The following GRHL3 variants were observed in gnomAD, a reference collection of about 807,000 sequenced individuals.
GRHL3 encodes the protein grainyhead like transcription factor 3.
Under a neutral mutation model 70.3 loss-of-function variants are expected in GRHL3, and 20 were observed. The observed-to-expected ratio is 0.28, with a 90% CI of 0.20 to 0.41. The LOEUF (loss-of-function observed/expected upper bound fraction) is 0.41. Ranked by LOEUF, GRHL3 falls within the 10% of genes least tolerant of loss-of-function variation. The pLI is 1.00. For missense variants in GRHL3, 637 were observed against 762.3 expected, an observed-to-expected ratio of 0.84 and a Z score of 1.94; for synonymous variants, 299 against 299.9, an observed-to-expected ratio of 1.00 and a Z score of 0.03.
intron 11 of GRHL3, chr1:24,343,289 A>C: frequency 2.3e-6 from 1 of 436,286 alleles, no homozygotes. Context: ...GAGGCTTCTG[A>C]TATCTGACCC....
At chr1:24,344,108 G>A (rs1331825081) in intron 11 of GRHL3, among the ~76,000 whole-genome samples, 2 of 152,192 alleles carry the variant, frequency 1.3e-5, no homozygotes, top group Non-Finnish European at 2.9e-5. Flanking sequence ...CAGTCAACCT[G>A]TGGGGGTTGA....
chr1:24,361,951 G>A (rs554860557), intron 15 of GRHL3, among the ~76,000 whole-genome samples: 6 of 152,234 alleles, frequency 3.9e-5, no homozygotes, highest in African/African-American at 9.6e-5. Flanking sequence ...AGACTTCTGC[G>A]CTTGTTACAG....
In GRHL3 at chr1:24,361,129, A is replaced by G. The variant is rs548395528; in HGVS notation, c.1695-3056A>G. The G allele has an allele frequency of 3.3e-6, 4 of 1,230,394 alleles. No homozygotes were observed. In the South Asian group the frequency reaches 6.6e-5, roughly 20 times the overall value. The allele number at this position is 1,230,394 out of a possible 1,614,324, so 76.2% of individuals were successfully genotyped here. On this transcript the variant is annotated intron_variant, in intron 15 of 15. Transcript: ENST00000350501. ...TAGACACAGCCAAGACCTGCACAGC[A>G]GCAAGCTGTCTGGAAGAGGACTGGT...
chr1:24,360,131 G>GT (rs1641002150), downstream of GRHL3, among the ~76,000 whole-genome samples: 2 of 152,194 alleles, frequency 1.3e-5, no homozygotes, highest in African/African-American at 4.8e-5. Context: ...TAGACCAGTA[G>GT]TTTAAATATT....
At position 24,321,137 on chromosome 1, in the gene GRHL3, C is replaced by A. The variant is rs1639166190; in HGVS notation, c.17+1569C>A. ...AATTTGCTGGCTAAAACTGCGGAGG[C>A]TACAGACAGAATCTATTCATTACTG... On this transcript the variant is annotated intron_variant, in intron 1 of 15. Transcript: ENST00000361548. This position sits in a 1 kb window ranked among gnomAD's most constrained non-coding sequence, Gnocchi z 4.0. 1.3e-5 allele frequency among the ~76,000 whole-genome samples: 2 copies of A among 152,222 alleles called. No homozygotes were observed. Among genetic ancestry groups the A allele is most frequent in the Non-Finnish European group, 2.9e-5 (2 of 68,044 alleles).
At chr1:24,338,687 T>C (rs2148657630) in intron 7 of GRHL3, among the ~76,000 whole-genome samples, 1 of 152,288 alleles carries the variant, frequency 6.6e-6, no homozygotes, top group East Asian at 1.9e-4. Context: ...GATTTCAGCT[T>C]AGCAGCTATG....
At chr1:24,353,301 T>C (rs972876472) in intron 15 of GRHL3, among the ~76,000 whole-genome samples, 12 of 152,042 alleles carry the variant, frequency 7.9e-5, no homozygotes. Context: ...ATGGTCCTTG[T>C]TTTTGAGCAA....
chr1:24,347,345 C>T (rs1640328760), intron 13 of GRHL3, 123 bp from the exon 14 acceptor site: 2 of 844,196 alleles, frequency 2.4e-6, no homozygotes, highest in Non-Finnish European at 3.9e-6. Flanking sequence ...CAAAGGGCCT[C>T]CCAGCTGGGC....
chr1:24,346,682 C>T (rs771227412), intron 13 of GRHL3, 41 bp downstream of exon 13: 1 of 1,448,412 alleles, frequency 6.9e-7, no homozygotes. Flanking sequence ...AGGCCCACCC[C>T]AGCTCCCACC....
downstream of GRHL3, among the ~76,000 whole-genome samples, chr1:24,356,253 GTTT>G (rs1374764016): frequency 7.0e-6 from 1 of 142,598 alleles, no homozygotes; most frequent in South Asian, 2.2e-4. Flanking sequence ...CTTTTTTTTT[GTTT>G]TTTTGAGACG....
chr1:24,324,229 C>A (rs1320027734), intron 1 of GRHL3, among the ~76,000 whole-genome samples: 1 of 152,120 alleles, frequency 6.6e-6, no homozygotes, highest in Non-Finnish European at 1.5e-5. Flanking sequence ...AGCAGAAACT[C>A]ACTTTCTTCT....
intron 8 of GRHL3, among the ~76,000 whole-genome samples, chr1:24,340,388 C>T (rs1196286926): frequency 3.3e-5 from 5 of 152,152 alleles, no homozygotes; most frequent in African/African-American, 9.7e-5. Context: ...GTCTACAAAC[C>T]GGAGAGGCCT....
chr1:24,334,789 T>G lies in GRHL3; in HGVS notation c.266+83T>G. The G allele has an allele frequency of 1.9e-6, 2 of 1,044,566 alleles. No homozygotes were observed. Among genetic ancestry groups the G allele is most frequent in the Non-Finnish European group, 2.9e-6 (2 of 693,800 alleles). The allele number at this position is 1,044,566 out of a possible 1,614,324, so 64.7% of individuals were successfully genotyped here. A position where few individuals can be genotyped will look rare whatever the true frequency, so the allele number is the denominator to read the frequency against. On this transcript the variant is annotated intron_variant, in intron 3 of 15. Coordinates refer to ENST00000361548, the MANE Select transcript of GRHL3 (RefSeq NM_198173.3). The surrounding 1 kb of genome is among the most constrained non-coding windows in gnomAD (Gnocchi z 4.3). ...CTTCCACACAGGTTTGACTTATCCATTAGGCACAGGAGGCACAGTGCTGAG... is the reference window on the plus strand; with the variant it reads ...CTTCCACACAGGTTTGACTTATCCAGTAGGCACAGGAGGCACAGTGCTGAG...
downstream of GRHL3, chr1:24,356,876 C>T (rs1640741957): frequency 6.6e-6 from 1 of 152,126 alleles, no homozygotes; most frequent in Non-Finnish European, 1.5e-5. Flanking sequence ...AACCATGATC[C>T]CTCTAAGAAC....
At chr1:24,337,318 G>A (rs562688810) in intron 5 of GRHL3, among the ~76,000 whole-genome samples, 167 bp downstream of exon 5, 5 of 152,296 alleles carry the variant, frequency 3.3e-5, no homozygotes, top group East Asian at 3.9e-4. Flanking sequence ...TCCTGTCCCC[G>A]GGCTGTGATA....
intron 15 of GRHL3, among the ~76,000 whole-genome samples, chr1:24,362,784 G>A (rs922136109): frequency 6.6e-6 from 1 of 152,216 alleles, no homozygotes. Flanking sequence ...ATGTGCTTGG[G>A]CTCACATCTT....
intron 1 of GRHL3, chr1:24,323,063 A>G (rs529068313): frequency 1.6e-5 from 25 of 1,549,414 alleles, no homozygotes; most frequent in Non-Finnish European, 1.9e-5. Context: ...AACTGTTAAG[A>G]GTGGTTATTT....
intron 1 of GRHL3, chr1:24,323,208 A>G (rs938758159): frequency 3.9e-6 from 3 of 779,102 alleles, no homozygotes; most frequent in Non-Finnish European, 6.7e-6. Flanking sequence ...CATTATTTTG[A>G]AAGAGAACAC....
intron 15 of GRHL3, among the ~76,000 whole-genome samples, chr1:24,352,952 G>A (rs1213145393): frequency 6.6e-6 from 1 of 152,244 alleles, no homozygotes; most frequent in Non-Finnish European, 1.5e-5. Flanking sequence ...TCGGGTCCAT[G>A]TTGTCTCCAT....
Sources: allele counts gnomAD v4.1 joint callset (sites outside exome capture counted in the v4.1 genomes callset), GRCh38; gene constraint gnomAD v4.1.1; non-coding constraint Gnocchi (gnomAD v3.1); transcripts MANE v1.5; gene names NCBI Gene and HGNC (gene_info 2026-07-23, HGNC 2026-07-21).